SPTBN1: variants seen among roughly 807,000 people sequenced by gnomAD.
The protein encoded by SPTBN1 is spectrin beta, non-erythrocytic 1, also known as spectrin beta chain, non-erythrocytic 1.
In SPTBN1, 32 loss-of-function variants were observed where a neutral mutation model predicts 266.4. The ratio of observed to expected loss-of-function variants is 0.12; its 90% CI spans 0.09 to 0.16. The LOEUF is 0.16. Among genes scored for constraint, SPTBN1 ranks in the 10% least tolerant of loss-of-function variants. The pLI, the probability that SPTBN1 is intolerant of heterozygous loss-of-function variation, is 1.00. For synonymous variants in SPTBN1, 1,336 were observed against 1,162.2 expected, an observed-to-expected ratio of 1.15 and a Z score of -3.04; for missense variants, 2,296 against 3,067.1, an observed-to-expected ratio of 0.75 and a Z score of 5.94.
Position 54,649,234 on chromosome 2 carries a change from ATGG to A in SPTBN1, c.5202+47_5202+49del. On this transcript the variant is annotated intron_variant, in intron 25 of 35. Coordinates refer to ENST00000356805, the MANE Select transcript of SPTBN1 (RefSeq NM_003128.3). The surrounding 1 kb of genome is among the most constrained non-coding windows in gnomAD (Gnocchi z 6.7). ...GCATGAGTTGGTTGTGCAGTAAGCG[ATGG>A]TGTGGAAGGCCATTTGCATTCCTTG... The A allele has an allele frequency of 1.3e-6, 2 of 1,553,224 alleles. No individual in the cohort carries two copies. The highest frequency in any genetic ancestry group is 1.8e-6 in the Non-Finnish European group (2 of 1,141,714).
At position 54,643,146 on chromosome 2, in the gene SPTBN1, G is replaced by T. The variant is rs765317558; in HGVS notation, c.4005+17G>T. ...ATCGAGAAGGTGAGTTAAAACATTT[G>T]ATGTGGCCATGGTGAGAAAACAAAC... On this transcript the variant is annotated intron_variant, in intron 19 of 35. Coordinates refer to ENST00000356805, the MANE Select transcript of SPTBN1 (RefSeq NM_003128.3). 1.7e-5 allele frequency: 28 copies of T among 1,613,810 alleles called. No homozygotes were observed. The highest frequency in any genetic ancestry group is 1.2e-4 in the Admixed American group (7 of 60,014).
intron 24 of SPTBN1, 55 bp from the exon 25 acceptor site, chr2:54,648,931 A>G: frequency 6.7e-7 from 1 of 1,482,966 alleles, no homozygotes; most frequent in Non-Finnish European, 9.2e-7. Flanking sequence ...TTTTCCCCTG[A>G]AGAAACTTGA....
Position 54,618,181 on chromosome 2 carries a change from T to C in SPTBN1, c.751T>C (p.Leu251=), listed in dbSNP as rs1254117824. Residue 251 remains leucine, a synonymous_variant, in exon 7 of 36, where the codon TTG becomes CTG. Coordinates refer to ENST00000356805, the MANE Select transcript of SPTBN1 (RefSeq NM_003128.3). ...ACAGCACCTCGGCCTCACTAAACTG[T>C]TGGACCCCGAAGGTAGGGACTCAAG... The part of the protein sequence containing the change: ...AEQHLGLTKL[L]DPEDISVDHP... 1 of 1,614,096 alleles carries C rather than the reference T, an allele frequency of 6.2e-7. No individual in the cohort carries two copies. Among genetic ancestry groups the C allele is most frequent in the Non-Finnish European group, 8.5e-7 (1 of 1,179,968 alleles).
intron 32 of SPTBN1, chr2:54,661,413 T>G (rs1016589381): frequency 1.0e-6 from 1 of 985,864 alleles, no homozygotes; most frequent in African/African-American, 1.7e-5. Flanking sequence ...TAAGTCTGAT[T>G]TGTCTTTTTA....
chr2:54,603,095 G>GC (rs990525123), intron 3 of SPTBN1, among the ~76,000 whole-genome samples: 1 of 152,126 alleles, frequency 6.6e-6, no homozygotes, highest in Non-Finnish European at 1.5e-5. Context: ...CAGATGAATG[G>GC]CCCCAGAGCC....
At chr2:54,522,542 A>C (rs1437145380) in intron 1 of SPTBN1, among the ~76,000 whole-genome samples, 1 of 151,556 alleles carries the variant, frequency 6.6e-6, no homozygotes. Flanking sequence ...GAGGCAGGAG[A>C]ATTGCTTGAA....
At chr2:54,568,198 T>C (rs1363185598) in intron 2 of SPTBN1, among the ~76,000 whole-genome samples, 1 of 151,946 alleles carries the variant, frequency 6.6e-6, no homozygotes, top group Non-Finnish European at 1.5e-5. Context: ...CTGGCCAAGA[T>C]GGTGAAACTC....
At chr2:54,501,995 A>G (rs770457983) in intron 1 of SPTBN1, among the ~76,000 whole-genome samples, 2 of 152,344 alleles carry the variant, frequency 1.3e-5, no homozygotes, top group South Asian at 4.1e-4. Flanking sequence ...GCAAGACTAG[A>G]TTAAGGAGCT....
intron 3 of SPTBN1, among the ~76,000 whole-genome samples, chr2:54,606,185 C>T (rs1257808815): frequency 6.6e-6 from 1 of 152,180 alleles, no homozygotes; most frequent in African/African-American, 2.4e-5. Context: ...ATCAAGCTTT[C>T]AGGATAAAGT....
At position 54,645,496 on chromosome 2, in the gene SPTBN1, C is replaced by T. The variant is rs780129634; in HGVS notation, c.4494+43C>T. 1 of 1,594,194 alleles carries T rather than the reference C, an allele frequency of 6.3e-7. No homozygotes were observed. The highest frequency in any genetic ancestry group is 8.6e-7 in the Non-Finnish European group (1 of 1,166,788). The stretch of plus-strand genomic sequence containing the variant: ...GCACACATGGCTTTTCCACGAGCCC[C>T]CTTGCCTGTGCTAAAGCCCACATTC... On this transcript the variant is annotated intron_variant, in intron 21 of 35. Coordinates refer to ENST00000356805, the MANE Select transcript of SPTBN1 (RefSeq NM_003128.3). This position sits in a 1 kb window ranked among gnomAD's most constrained non-coding sequence, Gnocchi z 4.3.
At chr2:54,481,281 G>A (rs1444360114) in intron 1 of SPTBN1, among the ~76,000 whole-genome samples, 1 of 152,082 alleles carries the variant, frequency 6.6e-6, no homozygotes, top group Admixed American at 6.6e-5. Context: ...CCCAGAAAGT[G>A]CTGGTGAGCT....
At chr2:54,508,478 A>G (rs556012975) in intron 1 of SPTBN1, among the ~76,000 whole-genome samples, 1 of 152,314 alleles carries the variant, frequency 6.6e-6, no homozygotes, top group African/African-American at 2.4e-5. Flanking sequence ...CCTTGAGGAT[A>G]GATTTTTGCG....
At chr2:54,506,119 G>A (rs937927076) in intron 1 of SPTBN1, among the ~76,000 whole-genome samples, 77 of 131,074 alleles carry the variant, frequency 5.9e-4, no homozygotes, top group Non-Finnish European at 4.4e-4. Context: ...GTGAGACTCC[G>A]TCTCTAAATA....
chr2:54,665,592 C>T lies in SPTBN1; in HGVS notation c.6660-323C>T, dbSNP rs75844209. Among the ~76,000 whole-genome samples the T allele has an allele frequency of 5.4e-3, 824 of 152,238 alleles. 19 individuals carry two copies. In the East Asian group the frequency reaches 0.072, roughly 13 times the overall value. ...CCTTTAGCTCATGACCATAAGAGGG[C>T]GCTACAGCAAAGAGTACTAAATACC... On this transcript the variant is annotated intron_variant, in intron 33 of 35. Coordinates refer to ENST00000356805, the MANE Select transcript of SPTBN1 (RefSeq NM_003128.3).
At chr2:54,655,348 C>A in intron 28 of SPTBN1, 140 bp downstream of exon 28, 1 of 1,199,662 alleles carries the variant, frequency 8.3e-7, no homozygotes, top group Non-Finnish European at 1.1e-6. Context: ...CTTTCCTGTG[C>A]GTCTAGAATA....
chr2:54,629,647 C>T lies in SPTBN1; in HGVS notation c.2513C>T (p.Thr838Met), dbSNP rs879005866. ...CGGTATAAGGAGGTGGCAGAGCTGACGCGGCTGCGGAAGCAGGCACTCCAG... is the reference window on the plus strand; with the variant it reads ...CGGTATAAGGAGGTGGCAGAGCTGATGCGGCTGCGGAAGCAGGCACTCCAG... ...EERYKEVAELTRLRKQALQDT... is the reference protein window; with the variant it reads ...EERYKEVAELMRLRKQALQDT... Residue 838 changes from threonine to methionine, a missense_variant, in exon 14 of 36, where the codon ACG (threonine) becomes ATG (methionine). Around this residue, in one of 12 missense-constraint regions of SPTBN1, gnomAD observed 434 missense variants for 573.9 expected, o/e 0.76. Transcript: ENST00000356805. 5.0e-6 allele frequency: 8 copies of T among 1,613,746 alleles called. No individual in the cohort carries two copies. The African/African-American group carries it at 8.0e-5, about 16-fold the overall frequency.
At chr2:54,564,488 C>G (rs1225517499) in intron 2 of SPTBN1, among the ~76,000 whole-genome samples, 1 of 152,178 alleles carries the variant, frequency 6.6e-6, no homozygotes, top group Admixed American at 6.5e-5. Flanking sequence ...CAGCAGGGCC[C>G]TGAGAAGAGT....
At chr2:54,597,411 C>G (rs1018961998) in intron 2 of SPTBN1, among the ~76,000 whole-genome samples, 14 of 152,206 alleles carry the variant, frequency 9.2e-5, no homozygotes, top group African/African-American at 2.4e-4. Flanking sequence ...CCACTGCAGC[C>G]TGCCCCTTAC....
chr2:54,604,716 G>C (rs1676720992), intron 3 of SPTBN1, among the ~76,000 whole-genome samples: 1 of 152,210 alleles, frequency 6.6e-6, no homozygotes, highest in African/African-American at 2.4e-5. Context: ...GCCTGGGATG[G>C]AGATATGGCT....
Sources: gnomAD v4.1 joint callset for allele counts (sites outside exome capture counted in the v4.1 genomes callset) on GRCh38, gnomAD v4.1.1 for gene constraint, gnomAD v4.1.1 regional missense constraint, Gnocchi (gnomAD v3.1) non-coding constraint, MANE v1.5 for transcripts, NCBI Gene and HGNC (gene_info 2026-07-23, HGNC 2026-07-21) for gene names.